THRAP3: variants seen among roughly 807,000 people sequenced by gnomAD.
THRAP3 encodes the protein thyroid hormone receptor-associated protein 3.
A neutral mutation model predicts 101.0 loss-of-function variants in THRAP3; 16 were observed. That is an observed-to-expected ratio of 0.16 (90% confidence interval 0.11 to 0.24). The LOEUF is 0.24. THRAP3 is among the 10% of genes least tolerant of loss of function. THRAP3 has a pLI of 1.00. For missense variants in THRAP3, 989 were observed against 1,202.7 expected, an observed-to-expected ratio of 0.82 and a Z score of 2.63; for synonymous variants, 407 against 422.6, an observed-to-expected ratio of 0.96 and a Z score of 0.45.
At chr1:36,237,359 T>G (rs759367884) in intron 1 of THRAP3, among the ~76,000 whole-genome samples, 4 of 151,188 alleles carry the variant, frequency 2.6e-5, no homozygotes, top group Non-Finnish European at 5.9e-5. Flanking sequence ...TCGCAGCTAC[T>G]TGGAAGGCTG....
intron 11 of THRAP3, among the ~76,000 whole-genome samples, chr1:36,302,319 A>C (rs1426496015): frequency 1.3e-5 from 2 of 152,234 alleles, no homozygotes; most frequent in Non-Finnish European, 2.9e-5. Context: ...CTGAATCTCC[A>C]TCACTTGCCA....
At chr1:36,257,379 A>G (rs1162103890) in intron 1 of THRAP3, among the ~76,000 whole-genome samples, 1 of 152,224 alleles carries the variant, frequency 6.6e-6, no homozygotes, top group East Asian at 1.9e-4. Flanking sequence ...AGTGCCTGGC[A>G]TGTAGTCAGT....
intron 4 of THRAP3, chr1:36,288,634 A>G (rs1387223585): frequency 1.2e-5 from 12 of 985,356 alleles, no homozygotes; most frequent in Non-Finnish European, 1.4e-5. Context: ...TGAGTTGTAT[A>G]AAAGCAAAAC....
chr1:36,272,135 G>A lies in THRAP3; in HGVS notation c.-31-10398G>A, dbSNP rs1271386755. Reference sequence around the variant, plus strand: ...ACTGAAAAGCAAGCCTCCTTCCTTAGCCTCCCAAAGTGCTGGGATTACAGG... The same window carrying A: ...ACTGAAAAGCAAGCCTCCTTCCTTAACCTCCCAAAGTGCTGGGATTACAGG... On this transcript the variant is annotated intron_variant, in intron 2 of 11. Transcript: ENST00000354618. Among the ~76,000 whole-genome samples, 5 of 152,108 alleles carry A rather than the reference G, an allele frequency of 3.3e-5. No homozygotes were observed. The East Asian group carries it at 9.7e-4, about 29-fold the overall frequency.
intron 1 of THRAP3, among the ~76,000 whole-genome samples, chr1:36,234,240 T>G (rs1170591049): frequency 6.6e-6 from 1 of 152,176 alleles, no homozygotes; most frequent in Non-Finnish European, 1.5e-5. Context: ...CCGGCCAACA[T>G]TTTATTTTTA....
At chr1:36,278,345 C>T (rs899683943) in intron 2 of THRAP3, among the ~76,000 whole-genome samples, 6 of 152,092 alleles carry the variant, frequency 3.9e-5, no homozygotes, top group Non-Finnish European at 8.8e-5. Context: ...AGATTACAGG[C>T]GTGAGTCACT....
intron 9 of THRAP3, among the ~76,000 whole-genome samples, chr1:36,297,922 A>G (rs1645973502): frequency 6.6e-6 from 1 of 150,650 alleles, no homozygotes; most frequent in Non-Finnish European, 1.5e-5. Flanking sequence ...CGAGGCAGGA[A>G]GATCACGTGG....
intron 4 of THRAP3, chr1:36,288,511 C>T (rs1645824889): frequency 1.0e-6 from 1 of 985,318 alleles, no homozygotes; most frequent in South Asian, 4.7e-5. Flanking sequence ...CACCCTCTCC[C>T]CCATTAACAT....
intron 3 of THRAP3, among the ~76,000 whole-genome samples, chr1:36,283,988 A>C (rs773283213): frequency 2.0e-5 from 3 of 152,228 alleles, no homozygotes; most frequent in Non-Finnish European, 4.4e-5. Flanking sequence ...CAAGACTCTT[A>C]GTAACTCCTA....
intron 4 of THRAP3, chr1:36,288,785 T>C: frequency 1.0e-6 from 1 of 985,470 alleles, no homozygotes; most frequent in Middle Eastern, 5.2e-4. Flanking sequence ...TTTTTGAGTA[T>C]CCTAAAAATA....
At chr1:36,278,506 G>A (rs577949984) in intron 2 of THRAP3, among the ~76,000 whole-genome samples, 11 of 152,220 alleles carry the variant, frequency 7.2e-5, no homozygotes, top group African/African-American at 2.6e-4. Flanking sequence ...AGAAGGCTTG[G>A]GCTTCTGAAA....
rs1308472786 is a variant in THRAP3 at position 36,292,256 on chromosome 1, CTTTG to C, written c.1919-338_1919-335del. Reference sequence around the variant, plus strand: ...CTGCCTTTGGTAACATAATGTGTTTCTTTGTTTCTTTTTTTTTTTTTTTTTTTTT... The same window carrying C: ...CTGCCTTTGGTAACATAATGTGTTTCTTTCTTTTTTTTTTTTTTTTTTTTT... On this transcript the variant is annotated intron_variant, in intron 6 of 11. Transcript: ENST00000354618. Among the ~76,000 whole-genome samples, 9 of 54,560 alleles carry C rather than the reference CTTTG, an allele frequency of 1.6e-4. 1 individual carries two copies. Among genetic ancestry groups the C allele is most frequent in the Admixed American group, 3.7e-4 (1 of 2,726 alleles). The allele number at this position is 54,560 out of a possible 152,430, so 35.8% of individuals were successfully genotyped here. A position where few individuals can be genotyped will look rare whatever the true frequency, so the allele number is the denominator to read the frequency against.
At chr1:36,229,099 A>T (rs1011439733) in intron 1 of THRAP3, among the ~76,000 whole-genome samples, 1 of 151,662 alleles carries the variant, frequency 6.6e-6, no homozygotes, top group Non-Finnish European at 1.5e-5. Flanking sequence ...AAGGGAACTA[A>T]TTTTTTTTTA....
At chr1:36,267,135 C>T (rs954816371) in intron 2 of THRAP3, among the ~76,000 whole-genome samples, 3 of 152,078 alleles carry the variant, frequency 2.0e-5, no homozygotes, top group Non-Finnish European at 2.9e-5. Flanking sequence ...CCACCCGCCT[C>T]GGCCTCCCAA....
intron 9 of THRAP3, among the ~76,000 whole-genome samples, chr1:36,298,832 C>T (rs1349542998): frequency 1.3e-5 from 2 of 152,064 alleles, no homozygotes; most frequent in Admixed American, 6.5e-5. Context: ...CTTGCTGTGT[C>T]GCCCAGGCTG....
chr1:36,282,153 A>T lies in THRAP3; in HGVS notation c.-31-380A>T, dbSNP rs929188517. Among the ~76,000 whole-genome samples the T allele has an allele frequency of 5.9e-5, 9 of 151,820 alleles. No homozygotes were observed. In the East Asian group the frequency reaches 1.8e-3, roughly 30 times the overall value. ...GCCCAGGCTAGTCTTGAACACCTGGACTTAAGCAGTCCTCCTCCTACCTTG... is the reference window on the plus strand; with the variant it reads ...GCCCAGGCTAGTCTTGAACACCTGGTCTTAAGCAGTCCTCCTCCTACCTTG... On this transcript the variant is annotated intron_variant, in intron 2 of 11. Transcript: ENST00000354618.
At chr1:36,284,112 G>A (rs1645766969) in intron 3 of THRAP3, among the ~76,000 whole-genome samples, 2 of 152,088 alleles carry the variant, frequency 1.3e-5, no homozygotes, top group Admixed American at 6.6e-5. Context: ...TAAATAATTG[G>A]TTCAACACCA....
chr1:36,239,066 T>TG (rs1645124239), intron 1 of THRAP3, among the ~76,000 whole-genome samples: 1 of 151,608 alleles, frequency 6.6e-6, no homozygotes, highest in South Asian at 2.1e-4. Context: ...CCCAAGTAGC[T>TG]GGGAGTACAG....
intron 7 of THRAP3, 125 bp downstream of exon 7, chr1:36,292,834 C>T (rs1570341340): frequency 4.5e-6 from 3 of 669,860 alleles, no homozygotes; most frequent in Admixed American, 2.9e-5. Context: ...ATCCTTCAGA[C>T]TCTAAGAGAG....
Sources: allele counts gnomAD v4.1 joint callset (sites outside exome capture counted in the v4.1 genomes callset), GRCh38; gene constraint gnomAD v4.1.1; transcripts MANE v1.5; gene names NCBI Gene and HGNC (gene_info 2026-07-23, HGNC 2026-07-21).